The following NBAS variants were observed in gnomAD, a reference collection of about 807,000 sequenced individuals.
NBAS encodes NBAS subunit of NRZ tethering complex, also known as NAG/BC035112 fusion.
NBAS carries 219 observed loss-of-function variants against 302.5 expected under a neutral mutation model. That is an observed-to-expected ratio of 0.72 (90% CI 0.65 to 0.81). The LOEUF is 0.81. Ranked by LOEUF, NBAS falls within the 30% of genes least tolerant of loss-of-function variation. The pLI is 0.00. For synonymous variants in NBAS, 1,118 were observed against 1,021.6 expected (o/e 1.09, Z -1.80); for missense variants, 2,932 against 2,841.6 (o/e 1.03, Z -0.72).
At chr2:15,304,463 A>G (rs1670942095) in intron 40 of NBAS, among the ~76,000 whole-genome samples, 1 of 152,254 alleles carries the variant, frequency 6.6e-6, no homozygotes, top group Non-Finnish European at 1.5e-5. Flanking sequence ...GGGTACTGCT[A>G]TAAAGATACC....
intron 11 of NBAS, 22 bp downstream of exon 11, chr2:15,504,123 T>C (rs755826160): frequency 8.7e-6 from 14 of 1,601,332 alleles, no homozygotes; most frequent in East Asian, 6.7e-5. Flanking sequence ...AAGCCCACCA[T>C]AGTTAAGCCA....
At chr2:15,437,526 C>CT (rs1271526814) in intron 21 of NBAS, among the ~76,000 whole-genome samples, 1 of 152,144 alleles carries the variant, frequency 6.6e-6, no homozygotes, top group Non-Finnish European at 1.5e-5. Flanking sequence ...AGGGAGTGTT[C>CT]TGATGTCAGT....
rs535255985 is a variant in NBAS, at chr2:15,513,291, C to T, written c.747-1941G>A. 4.6e-5 allele frequency among the ~76,000 whole-genome samples: 7 copies of T among 152,314 alleles called. No individual in the cohort carries two copies. In the South Asian group the frequency reaches 1.4e-3, roughly 32 times the overall value. On this transcript the variant is annotated intron_variant, in intron 9 of 51. Transcript: ENST00000281513. ...AAGCAACCTATTTTGGTTGTTCCTA[C>T]CCTAAGCAAATCCTTAGAGCTAACA...
intron 6 of NBAS, among the ~76,000 whole-genome samples, chr2:15,542,862 C>T (rs992937086): frequency 2.6e-5 from 4 of 151,426 alleles, no homozygotes; most frequent in Admixed American, 2.6e-4. Context: ...CTATGCACTG[C>T]ATTGCATCTG....
intron 6 of NBAS, among the ~76,000 whole-genome samples, chr2:15,540,903 T>A (rs1489330864): frequency 6.6e-6 from 1 of 152,020 alleles, no homozygotes; most frequent in Non-Finnish European, 1.5e-5. Context: ...TTTGTATTTT[T>A]AGTAGAGACG....
intron 44 of NBAS, among the ~76,000 whole-genome samples, chr2:15,266,922 CTT>C (rs1476196889): frequency 6.6e-6 from 1 of 152,164 alleles, no homozygotes; most frequent in Non-Finnish European, 1.5e-5. Context: ...CCATATCAAT[CTT>C]TTAAAAAACT....
chr2:15,351,573 G>A (rs1390779147), intron 35 of NBAS, among the ~76,000 whole-genome samples: 1 of 152,076 alleles, frequency 6.6e-6, no homozygotes, highest in East Asian at 1.9e-4. Context: ...AGCTACTTGG[G>A]AAGCTGAGGC....
chr2:15,048,530 G>C, the NBAS span, among the ~76,000 whole-genome samples: 2 of 152,302 alleles, frequency 1.3e-5, no homozygotes, highest in South Asian at 4.1e-4. Flanking sequence ...TTCTTCTCAC[G>C]CTGAGAACCA....
At chr2:15,176,742 T>C (rs183436411) in intron 51 of NBAS, among the ~76,000 whole-genome samples, 1 of 152,206 alleles carries the variant, frequency 6.6e-6, no homozygotes, top group African/African-American at 2.4e-5. Flanking sequence ...TGTTCAAAAG[T>C]GTTGAATTTG....
the NBAS span, among the ~76,000 whole-genome samples, chr2:15,133,324 G>T: frequency 4.6e-5 from 7 of 152,114 alleles, no homozygotes; most frequent in Non-Finnish European, 8.8e-5. Flanking sequence ...ACATAGCGGG[G>T]GGGGGGCAGG....
intron 31 of NBAS, among the ~76,000 whole-genome samples, chr2:15,369,795 A>G (rs1265544969): frequency 6.6e-6 from 1 of 152,140 alleles, no homozygotes; most frequent in Non-Finnish European, 1.5e-5. Flanking sequence ...TTTTTCAAAA[A>G]CCTATTATAA....
the NBAS span, among the ~76,000 whole-genome samples, chr2:14,920,324 T>C: frequency 3.3e-5 from 5 of 152,210 alleles, no homozygotes; most frequent in Non-Finnish European, 7.3e-5. Context: ...ACAGATGTGC[T>C]GTCATCCAGG....
chr2:15,124,286 T>C, the NBAS span, among the ~76,000 whole-genome samples: 20,757 of 152,164 alleles, frequency 0.14, 2,679 homozygotes, highest in African/African-American at 0.33. Context: ...GCAAGGCTTA[T>C]GGCTTGTGTC....
chr2:15,094,198 C>A, the NBAS span, among the ~76,000 whole-genome samples: 1 of 152,300 alleles, frequency 6.6e-6, no homozygotes, highest in African/African-American at 2.4e-5. Context: ...CATTCCAGTC[C>A]AGTCCAGCCC....
At chr2:15,218,601 A>C (rs1666763136) in intron 48 of NBAS, among the ~76,000 whole-genome samples, 172 bp downstream of exon 48, 1 of 152,134 alleles carries the variant, frequency 6.6e-6, no homozygotes, top group African/African-American at 2.4e-5. Flanking sequence ...TTGTAGATTT[A>C]GTAGAGATGG....
chr2:15,143,918 T>C, the NBAS span, among the ~76,000 whole-genome samples: 1 of 151,406 alleles, frequency 6.6e-6, no homozygotes, highest in Non-Finnish European at 1.5e-5. Flanking sequence ...CCCTCAAACA[T>C]CAGACTTCAA....
At chr2:15,460,834 G>T (rs1046446500) in intron 21 of NBAS, among the ~76,000 whole-genome samples, 1 of 152,104 alleles carries the variant, frequency 6.6e-6, no homozygotes, top group Admixed American at 6.5e-5. Context: ...AGTATTCCTG[G>T]GTTTCTGGGT....
chr2:14,890,348 T>G, the NBAS span, among the ~76,000 whole-genome samples: 1 of 152,118 alleles, frequency 6.6e-6, no homozygotes, highest in East Asian at 1.9e-4. Context: ...AGCAAAAAAC[T>G]CTATCTCAAT....
chr2:15,147,834 A>C, the NBAS span, among the ~76,000 whole-genome samples: 1 of 151,344 alleles, frequency 6.6e-6, no homozygotes, highest in East Asian at 1.9e-4. Context: ...ATTAGGAGTA[A>C]ACAATTCATT....
Sources: allele counts gnomAD v4.1 joint callset (sites outside exome capture counted in the v4.1 genomes callset), GRCh38; gene constraint gnomAD v4.1.1; transcripts MANE v1.5; gene names NCBI Gene and HGNC (gene_info 2026-07-23, HGNC 2026-07-21).